AP3D1: variants seen among roughly 807,000 people sequenced by gnomAD.
AP3D1 encodes AP-3 complex subunit delta-1.
Under a neutral mutation model 147.6 loss-of-function variants are expected in AP3D1, and 51 were observed. The observed-to-expected ratio is 0.35, with a 90% CI of 0.28 to 0.44. The LOEUF (loss-of-function observed/expected upper bound fraction) is 0.44, where lower values mean the gene tolerates loss of function less well. AP3D1 is among the 20% of genes least tolerant of loss of function. AP3D1 has a pLI of 1.00. For missense variants in AP3D1, 1,421 were observed against 1,624.2 expected (o/e 0.87, Z 2.15); for synonymous variants, 760 against 663.0 (o/e 1.15, Z -2.25).
intron 1 of AP3D1, among the ~76,000 whole-genome samples, chr19:2,156,701 T>G (rs576721881): frequency 6.6e-6 from 1 of 151,860 alleles, no homozygotes; most frequent in South Asian, 2.1e-4. Flanking sequence ...ATACAAAAAT[T>G]AGCCAGGCTT....
chr19:2,140,707 C>A (rs1411139786), intron 1 of AP3D1, among the ~76,000 whole-genome samples: 1 of 150,758 alleles, frequency 6.6e-6, no homozygotes, highest in Non-Finnish European at 1.5e-5. Flanking sequence ...CTTTTAACTT[C>A]TGATAAAGTC....
intron 1 of AP3D1, among the ~76,000 whole-genome samples, chr19:2,139,975 G>T (rs1032676293): frequency 6.6e-6 from 1 of 152,128 alleles, no homozygotes; most frequent in African/African-American, 2.4e-5. Flanking sequence ...TGGGGGGGTG[G>T]GGGAGGGCAC....
Position 2,121,819 on chromosome 19 carries a change from T to A in AP3D1, c.1016A>T (p.Gln339Leu). ...CTGCAGGATGAGGTCCTTGTGGGAC[T>A]GCACGGACTTGGGGTGGGTCTTCAG... ...KILKTHPKSV[Q>L]SHKDLILQCL... is the part of the protein sequence containing the mutation. The change falls in exon 12 of 32, where the codon CAG becomes CTG. Residue 339 changes from glutamine to leucine, a missense_variant. Around this residue, in one of 6 missense-constraint regions of AP3D1, gnomAD observed 310 missense variants for 388.1 expected, o/e 0.80. Coordinates refer to ENST00000643116, the MANE Select transcript of AP3D1 (RefSeq NM_001261826.3). The A allele has an allele frequency of 6.2e-7, 1 of 1,612,906 alleles. No homozygotes were observed. Among genetic ancestry groups the A allele is most frequent in the Middle Eastern group, 1.7e-4 (1 of 6,050 alleles).
chr19:2,162,559 G>T (rs2019732372), intron 1 of AP3D1, among the ~76,000 whole-genome samples: 1 of 151,428 alleles, frequency 6.6e-6, no homozygotes, highest in South Asian at 2.1e-4. Flanking sequence ...TACTCGGGAG[G>T]CTGAGGCAGG....
intron 1 of AP3D1, among the ~76,000 whole-genome samples, chr19:2,142,208 T>C (rs935044722): frequency 2.6e-5 from 4 of 152,042 alleles, no homozygotes; most frequent in African/African-American, 9.7e-5. Flanking sequence ...AGAGGGGGTT[T>C]AGCCATGTTG....
chr19:2,113,007 A>T (rs1481589941), intron 23 of AP3D1, 40 bp from the exon 24 acceptor site: 4 of 1,534,854 alleles, frequency 2.6e-6, no homozygotes, highest in Non-Finnish European at 3.5e-6. Flanking sequence ...CTGGGCAATG[A>T]GGGGCCCCAC....
At chr19:2,163,655 G>T (rs2019787265) in intron 1 of AP3D1, among the ~76,000 whole-genome samples, 1 of 152,114 alleles carries the variant, frequency 6.6e-6, no homozygotes. Context: ...TCCTGGGACG[G>T]GATTCGAACC....
At chr19:2,121,382 C>A in intron 12 of AP3D1, 71 bp from the exon 13 acceptor site, 1 of 1,550,488 alleles carries the variant, frequency 6.4e-7, no homozygotes. Flanking sequence ...ACACCCAACA[C>A]CTGCTCCTGA....
At chr19:2,113,011 G>C in intron 23 of AP3D1, 44 bp from the exon 24 acceptor site, 1 of 1,503,218 alleles carries the variant, frequency 6.7e-7, no homozygotes, top group Non-Finnish European at 9.1e-7. Context: ...GCAATGAGGG[G>C]CCCCACTCCA....
chr19:2,113,235 C>A (rs561248825), intron 23 of AP3D1, 101 bp downstream of exon 23: 1 of 697,460 alleles, frequency 1.4e-6, no homozygotes, highest in South Asian at 1.9e-5. Context: ...GTGCTGACCG[C>A]GAGAGCACAG....
chr19:2,145,792 T>C (rs1162153900), intron 1 of AP3D1, among the ~76,000 whole-genome samples: 5 of 152,040 alleles, frequency 3.3e-5, no homozygotes, highest in African/African-American at 9.7e-5. Context: ...TGCCCAGAGA[T>C]TGCCTTTTGA....
upstream of AP3D1, among the ~76,000 whole-genome samples, chr19:2,151,877 T>G (rs1270632977): frequency 6.6e-6 from 1 of 152,212 alleles, no homozygotes; most frequent in Admixed American, 6.5e-5. Flanking sequence ...CGTGGCTGGA[T>G]GTGGGCGGGG....
chr19:2,143,223 C>T (rs1042715393), intron 1 of AP3D1, among the ~76,000 whole-genome samples: 2 of 147,096 alleles, frequency 1.4e-5, no homozygotes, highest in African/African-American at 5.0e-5. Context: ...GCCACCATGC[C>T]TGCCTAATTT....
chr19:2,133,660 C>T (rs567969038), intron 4 of AP3D1, among the ~76,000 whole-genome samples: 17 of 152,182 alleles, frequency 1.1e-4, no homozygotes, highest in African/African-American at 3.8e-4. Flanking sequence ...CGTGTCACCA[C>T]GCCTGGCTAA....
At chr19:2,122,711 G>C (rs1217396996) in intron 11 of AP3D1, among the ~76,000 whole-genome samples, 2 of 152,212 alleles carry the variant, frequency 1.3e-5, no homozygotes, top group African/African-American at 2.4e-5. Flanking sequence ...ACCCGACTGT[G>C]GGGTGCTTGC....
At position 2,137,461 on chromosome 19, in the gene AP3D1, G is replaced by A. The variant is rs556860091; in HGVS notation, c.273+266C>T. 2.6e-4 allele frequency among the ~76,000 whole-genome samples: 39 copies of A among 152,010 alleles called. 1 individual carries two copies. The South Asian group carries it at 5.0e-3, about 19-fold the overall frequency. On this transcript the variant is annotated intron_variant, in intron 3 of 31. Transcript: ENST00000643116. Reference sequence around the variant, plus strand: ...CCCAAGTAGCTAGGATTATAGCCGCGTGCGCCACCACGCCCCACTAAATTT... The same window carrying A: ...CCCAAGTAGCTAGGATTATAGCCGCATGCGCCACCACGCCCCACTAAATTT...
At chr19:2,128,063 G>T (rs887149130) in intron 8 of AP3D1, among the ~76,000 whole-genome samples, 7 of 152,174 alleles carry the variant, frequency 4.6e-5, no homozygotes, top group Non-Finnish European at 8.8e-5. Context: ...GCCGACACAT[G>T]ACTGCATCTG....
intron 16 of AP3D1, 92 bp downstream of exon 16, chr19:2,117,130 G>A: frequency 2.1e-6 from 3 of 1,459,004 alleles, no homozygotes; most frequent in South Asian, 2.9e-5. Context: ...CCTCCTGGCT[G>A]TTCAGGGGTG....
At chr19:2,113,892 C>G (rs555263411) in intron 22 of AP3D1, among the ~76,000 whole-genome samples, 13 of 152,324 alleles carry the variant, frequency 8.5e-5, no homozygotes, top group Admixed American at 2.6e-4. Flanking sequence ...GGTGAGGACA[C>G]GGCTCACCCA....
Sources: allele counts gnomAD v4.1 joint callset (sites outside exome capture counted in the v4.1 genomes callset), GRCh38; gene constraint gnomAD v4.1.1; regional missense constraint gnomAD v4.1.1; transcripts MANE v1.5; gene names NCBI Gene and HGNC (gene_info 2026-07-23, HGNC 2026-07-21).